LRP2: variants seen among roughly 807,000 people sequenced by gnomAD.
LRP2 encodes low-density lipoprotein receptor-related protein 2.
Under a neutral mutation model 531.0 loss-of-function variants are expected in LRP2, and 172 were observed. The observed-to-expected ratio is 0.32, with a 90% CI of 0.29 to 0.37. The LOEUF is 0.37. LRP2 is among the 10% of genes least tolerant of loss of function. The pLI is 1.00. For missense variants in LRP2, 5,167 were observed against 5,868.3 expected (o/e 0.88, Z 3.90); for synonymous variants, 1,992 against 2,027.6 (o/e 0.98, Z 0.47).
intron 41 of LRP2, among the ~76,000 whole-genome samples, 188 bp downstream of exon 41, chr2:169,205,291 T>C (rs925420336): frequency 1.3e-5 from 2 of 152,212 alleles, no homozygotes; most frequent in African/African-American, 4.8e-5. Flanking sequence ...CAATGCATGA[T>C]ATAGATAAAT....
At chr2:169,240,913 GTGACAATGGTGA>G (rs762456094) in intron 25 of LRP2, 63 bp downstream of exon 25, 1 of 1,560,938 alleles carries the variant, frequency 6.4e-7, no homozygotes, top group Non-Finnish European at 8.7e-7. Context: ...CACAGTGACT[GTGACAATGGTGA>G]TGCACACCAG....
At chr2:169,138,471 G>T in intron 75 of LRP2, 106 bp downstream of exon 75, 1 of 1,221,810 alleles carries the variant, frequency 8.2e-7, no homozygotes, top group Non-Finnish European at 1.2e-6. Context: ...ATTCTGAGAG[G>T]CCTAATACTG....
chr2:169,144,194 T>A (rs752839318), intron 70 of LRP2, among the ~76,000 whole-genome samples: 11 of 152,280 alleles, frequency 7.2e-5, no homozygotes, highest in Non-Finnish European at 1.2e-4. Context: ...ACCAGCAGCA[T>A]CAACGTCACA....
intron 4 of LRP2, among the ~76,000 whole-genome samples, chr2:169,298,973 C>CT (rs1304040554): frequency 1.3e-5 from 2 of 151,314 alleles, no homozygotes; most frequent in Non-Finnish European, 2.9e-5. Flanking sequence ...GAAGCATATC[C>CT]TTCCCCAGTC....
At chr2:169,211,911 G>A in intron 37 of LRP2, 57 bp downstream of exon 37, 1 of 1,610,662 alleles carries the variant, frequency 6.2e-7, no homozygotes, top group Non-Finnish European at 8.5e-7. Context: ...ATGGCACCAG[G>A]GATTTCAACC....
intron 34 of LRP2, among the ~76,000 whole-genome samples, chr2:169,220,246 G>C (rs1688940367): frequency 6.6e-6 from 1 of 152,106 alleles, no homozygotes. Context: ...TTGTTCATTT[G>C]AAGACCATAG....
At chr2:169,142,031 G>A (rs1685739197) in intron 71 of LRP2, among the ~76,000 whole-genome samples, 1 of 152,204 alleles carries the variant, frequency 6.6e-6, no homozygotes, top group Non-Finnish European at 1.5e-5. Flanking sequence ...AAGGATGTGA[G>A]CCATAAAATG....
chr2:169,290,167 T>A (rs1683961719), intron 8 of LRP2, among the ~76,000 whole-genome samples: 1 of 151,484 alleles, frequency 6.6e-6, no homozygotes, highest in Admixed American at 6.6e-5. Flanking sequence ...CATAAATGAA[T>A]GTGGTCACAC....
chr2:169,307,085 C>A (rs1487649949), intron 4 of LRP2, among the ~76,000 whole-genome samples, 196 bp downstream of exon 4: 3 of 152,164 alleles, frequency 2.0e-5, no homozygotes, highest in East Asian at 1.9e-4. Flanking sequence ...AGGCAGGACA[C>A]TCTTAGAATG....
intron 76 of LRP2, among the ~76,000 whole-genome samples, chr2:169,134,465 A>G (rs969769517): frequency 4.6e-5 from 7 of 151,662 alleles, no homozygotes; most frequent in African/African-American, 1.7e-4. Context: ...TCCACCTGAC[A>G]TTCACCCCAT....
At chr2:169,254,652 A>AAAAAAAAAAAAAAAAAAAT (rs1690229890) in intron 19 of LRP2, among the ~76,000 whole-genome samples, 1 of 114,358 alleles carries the variant, frequency 8.7e-6, no homozygotes, top group East Asian at 2.1e-4. Flanking sequence ...ATAAAAAAAA[A>AAAAAAAAAAAAAAAAAAAT]AAAAAACAGC....
Position 169,209,626 on chromosome 2 carries a change from T to G in LRP2, c.6296A>C (p.His2099Pro), listed in dbSNP as rs371779258. The part of the protein sequence containing the change: ...PVAGQGRNAL[H>P]VDVDVSSGFI... Reference sequence around the variant, plus strand: ...GCCAGAGGACACATCCACATCCACATGCAGTGCGTTTCGTCCTGGAAGTTA... The same window carrying G: ...GCCAGAGGACACATCCACATCCACAGGCAGTGCGTTTCGTCCTGGAAGTTA... Residue 2099 changes from histidine to proline, a missense_variant, in exon 38 of 79, where the codon CAT becomes CCT. Physicochemically the swap from His to Pro is moderately conservative, Grantham distance 77. This residue lies in a region of LRP2 where 2,811 missense variants were observed against 3,058.0 expected (regional missense o/e 0.92). Transcript: ENST00000649046. The G allele has an allele frequency of 1.2e-6, 2 of 1,614,098 alleles. No individual in the cohort carries two copies. Among genetic ancestry groups the G allele is most frequent in the Non-Finnish European group, 1.7e-6 (2 of 1,179,976 alleles).
Position 169,256,222 on chromosome 2 carries a change from T to G in LRP2, c.2654A>C (p.Tyr885Ser), listed in dbSNP as rs1239392592. 6.2e-7 allele frequency: 1 copy of G among 1,612,660 alleles called. No homozygotes were observed. The highest frequency in any genetic ancestry group is 8.5e-7 in the Non-Finnish European group (1 of 1,178,938). The change falls in exon 19 of 79, where the codon TAC becomes TCC. Residue 885 changes from tyrosine to serine, a missense_variant. Physicochemically the swap from Tyr to Ser is moderately radical, Grantham distance 144 (BLOSUM62 -2). This residue lies in a region of LRP2 where 2,811 missense variants were observed against 3,058.0 expected (regional missense o/e 0.92). Coordinates refer to ENST00000649046, the MANE Select transcript of LRP2 (RefSeq NM_004525.3). ...TTTATCAAAATAGGCATCTACCCAG[T>G]ACAATCGTGAAGCACTAAAATAATA... ...LAIDWAASRL[Y>S]WVDAYFDKIE...
At position 169,257,848 on chromosome 2, in the gene LRP2, AC is replaced by A. The variant is rs756936897; in HGVS notation, c.2514-600del. On this transcript the variant is annotated intron_variant, in intron 17 of 78. Transcript: ENST00000649046. ...AACAAAAAAAAAAAACACAAAAAAA[AC>A]AAAAGAAAATAAAAAAACAACTTTT... Among the ~76,000 whole-genome samples, 339 of 147,030 alleles carry A rather than the reference AC, an allele frequency of 2.3e-3. 3 individuals carry two copies. Among genetic ancestry groups the A allele is most frequent in the Non-Finnish European group, 3.6e-3 (246 of 67,460 alleles).
At position 169,247,594 on chromosome 2, in the gene LRP2, C is replaced by T. The variant is rs13027608; in HGVS notation, c.2771-79G>A. 72,705 of 1,459,410 alleles carry T rather than the reference C, an allele frequency of 0.05. 2,019 individuals are homozygous for T. Among genetic ancestry groups the T allele is most frequent in the Non-Finnish European group, 0.056 (58,231 of 1,043,686 alleles). The allele number at this position is 1,459,410 out of a possible 1,614,324, so 90.4% of individuals were successfully genotyped here. A position where few individuals can be genotyped will look rare whatever the true frequency, so the allele number is the denominator to read the frequency against. On this transcript the variant is annotated intron_variant, in intron 19 of 78. Coordinates refer to ENST00000649046, the MANE Select transcript of LRP2 (RefSeq NM_004525.3). ...AAATCACTTGAGAAAATGCAATAGG[C>T]TTGAAATGCTTCTTGCAAGTACGAT...
At chr2:169,327,766 G>GC (rs1685134391) in intron 1 of LRP2, among the ~76,000 whole-genome samples, 1 of 124,660 alleles carries the variant, frequency 8.0e-6, no homozygotes, top group Non-Finnish European at 1.7e-5. Context: ...GGGGGGGTCA[G>GC]CCCCCCGCCC....
chr2:169,260,913 T>C (rs1271094764), intron 16 of LRP2, among the ~76,000 whole-genome samples: 1 of 150,926 alleles, frequency 6.6e-6, no homozygotes, highest in African/African-American at 2.4e-5. Context: ...TCCAGGAGTA[T>C]GCTGTCATGG....
intron 4 of LRP2, among the ~76,000 whole-genome samples, chr2:169,302,941 T>C (rs1329271983): frequency 6.6e-6 from 1 of 152,168 alleles, no homozygotes; most frequent in African/African-American, 2.4e-5. Flanking sequence ...CTGATTATTT[T>C]AAAGAAGAGT....
At chr2:169,230,270 C>G (rs1372448495) in intron 31 of LRP2, among the ~76,000 whole-genome samples, 1 of 152,192 alleles carries the variant, frequency 6.6e-6, no homozygotes, top group Non-Finnish European at 1.5e-5. Flanking sequence ...TAGGAACACA[C>G]TAAATTAAAC....
Sources: allele counts gnomAD v4.1 joint callset (sites outside exome capture counted in the v4.1 genomes callset), GRCh38; gene constraint gnomAD v4.1.1; regional missense constraint gnomAD v4.1.1; transcripts MANE v1.5; gene names NCBI Gene and HGNC (gene_info 2026-07-23, HGNC 2026-07-21).